Variants in MON2 observed in about 807,000 individuals in gnomAD.
MON2 encodes the protein MON2 regulator of endosome-to-Golgi trafficking.
Under a neutral mutation model 208.6 loss-of-function variants are expected in MON2, and 84 were observed. The observed-to-expected ratio is 0.40, with a 90% CI of 0.34 to 0.48. The LOEUF (loss-of-function observed/expected upper bound fraction) is 0.48. Ranked by LOEUF, MON2 falls within the 20% of genes least tolerant of loss-of-function variation. The pLI is 0.59. For missense variants in MON2, 1,611 were observed against 2,015.4 expected (o/e 0.80, Z 3.84); for synonymous variants, 660 against 694.0 (o/e 0.95, Z 0.77).
intron 25 of MON2, among the ~76,000 whole-genome samples, chr12:62,556,968 C>T (rs1170019369): frequency 6.6e-6 from 1 of 151,780 alleles, no homozygotes; most frequent in African/African-American, 2.4e-5. Context: ...ACCTGCAATC[C>T]CAGCTACTTG....
intron 1 of MON2, among the ~76,000 whole-genome samples, chr12:62,477,923 G>A (rs778473024): frequency 2.1e-4 from 32 of 152,210 alleles, no homozygotes; most frequent in Non-Finnish European, 3.8e-4. Context: ...TGCCAAGGTT[G>A]GATGTAGCCT....
chr12:62,504,768 C>T (rs1444887151), intron 7 of MON2, among the ~76,000 whole-genome samples: 1 of 152,158 alleles, frequency 6.6e-6, no homozygotes, highest in African/African-American at 2.4e-5. Flanking sequence ...TTAAATAAGA[C>T]TGATAAAATC....
chr12:62,581,799 C>T (rs2075016154), intron 32 of MON2, among the ~76,000 whole-genome samples: 1 of 152,116 alleles, frequency 6.6e-6, no homozygotes, highest in African/African-American at 2.4e-5. Context: ...TACTGCACTC[C>T]AGCCTGGGCG....
rs115376211 is a variant in MON2 at position 62,570,600 on chromosome 12, A to G, written c.4324-792A>G. ...ATATAGCCTACTTCACACCTATGCTATATGGTCTAACCTATATATGTGGCA... is the reference window on the plus strand; with the variant it reads ...ATATAGCCTACTTCACACCTATGCTGTATGGTCTAACCTATATATGTGGCA... On this transcript the variant is annotated intron_variant, in intron 29 of 34. Transcript: ENST00000393630. 3.1e-3 allele frequency among the ~76,000 whole-genome samples: 470 copies of G among 151,984 alleles called. 1 individual carries two copies. The highest frequency in any genetic ancestry group is 0.011 in the African/African-American group (442 of 41,448).
intron 2 of MON2, among the ~76,000 whole-genome samples, chr12:62,486,111 A>G (rs915728284): frequency 4.6e-5 from 7 of 152,174 alleles, no homozygotes; most frequent in East Asian, 1.9e-4. Context: ...GAGACTTACC[A>G]TAGGCCAATC....
chr12:62,583,633 G>T (rs1414482829), intron 32 of MON2, among the ~76,000 whole-genome samples: 1 of 151,674 alleles, frequency 6.6e-6, no homozygotes, highest in African/African-American at 2.4e-5. Context: ...ATTTCAGAAA[G>T]AAAGAAAAAA....
At chr12:62,508,529 C>A (rs751936979) in intron 8 of MON2, 49 bp downstream of exon 8, 1 of 1,555,578 alleles carries the variant, frequency 6.4e-7, no homozygotes, top group Non-Finnish European at 8.9e-7. Flanking sequence ...GCATGTTGTG[C>A]CCTTTGTAAA....
At chr12:62,570,478 T>G (rs1175629681) in intron 29 of MON2, among the ~76,000 whole-genome samples, 1 of 152,154 alleles carries the variant, frequency 6.6e-6, no homozygotes, top group Non-Finnish European at 1.5e-5. Context: ...AATACAGTCA[T>G]GTACTGCTTA....
intron 8 of MON2, among the ~76,000 whole-genome samples, chr12:62,515,327 T>C (rs1309756433): frequency 6.6e-6 from 1 of 152,198 alleles, no homozygotes; most frequent in Non-Finnish European, 1.5e-5. Flanking sequence ...ATCCTGTTAC[T>C]GGAACTTTGA....
intron 8 of MON2, among the ~76,000 whole-genome samples, chr12:62,521,530 G>A (rs1332741464): frequency 6.6e-6 from 1 of 152,108 alleles, no homozygotes; most frequent in African/African-American, 2.4e-5. Context: ...CTCCTAAGGG[G>A]CCCAGGGACC....
At position 62,484,159 on chromosome 12, in the gene MON2, T is replaced by G. The variant is rs2069620352; in HGVS notation, c.112-11T>G. The stretch of plus-strand genomic sequence containing the variant: ...GTAAATTTTGTGTTCTAATTATTTT[T>G]ATTCTTGCAGGCTGCTGAATCAGGA... On this transcript the variant is annotated splice_polypyrimidine_tract_variant and intron_variant, in intron 1 of 34. Transcript: ENST00000393630. 2 of 1,583,088 alleles carry G rather than the reference T, an allele frequency of 1.3e-6. No homozygotes were observed. Among genetic ancestry groups the G allele is most frequent in the African/African-American group, 2.7e-5 (2 of 73,850 alleles).
intron 22 of MON2, among the ~76,000 whole-genome samples, chr12:62,548,417 G>T (rs1404815433): frequency 6.6e-6 from 1 of 152,116 alleles, no homozygotes; most frequent in Non-Finnish European, 1.5e-5. Flanking sequence ...TTAACTTTTG[G>T]GGTAGGAGAT....
At chr12:62,480,232 A>G (rs1484490975) in intron 1 of MON2, among the ~76,000 whole-genome samples, 1 of 152,246 alleles carries the variant, frequency 6.6e-6, no homozygotes, top group African/African-American at 2.4e-5. Flanking sequence ...AATACTGGTT[A>G]CGTATCTTTT....
intron 26 of MON2, among the ~76,000 whole-genome samples, chr12:62,563,301 G>A (rs1358598690): frequency 6.6e-6 from 1 of 152,164 alleles, no homozygotes; most frequent in Non-Finnish European, 1.5e-5. Context: ...TGCCTGGCAT[G>A]AGTTAAACAT....
In MON2 at chr12:62,566,466, T is replaced by G. The variant is rs769322265; in HGVS notation, c.4323+16T>G. On this transcript the variant is annotated intron_variant, in intron 29 of 34. Transcript: ENST00000393630. ...TATTATTAAGGTATCTTTTTTTCATTTCTACACTTTCATTAGATGGTGTGA... is the reference window on the plus strand; with the variant it reads ...TATTATTAAGGTATCTTTTTTTCATGTCTACACTTTCATTAGATGGTGTGA... 1.2e-5 allele frequency: 19 copies of G among 1,604,054 alleles called. No homozygotes were observed. Among genetic ancestry groups the G allele is most frequent in the Non-Finnish European group, 1.6e-5 (19 of 1,174,072 alleles).
Position 62,525,193 on chromosome 12 carries a change from G to A in MON2, c.1219G>A (p.Gly407Arg), listed in dbSNP as rs1331042369. 2 of 1,613,214 alleles carry A rather than the reference G, an allele frequency of 1.2e-6. No individual in the cohort carries two copies. The highest frequency in any genetic ancestry group is 8.5e-7 in the Non-Finnish European group (1 of 1,179,478). The change falls in exon 10 of 35, where the codon GGA becomes AGA. Residue 407 changes from glycine to arginine, a missense_variant. Gly to Arg is a moderately radical substitution (Grantham distance 125, BLOSUM62 -2). Transcript: ENST00000393630. ...GTCCTTGTTTCTTGTCCCCCCTACT[G>A]GAAATCCTGCAACAAGCAACCAAGC... Reference protein sequence around the residue: ...IQSLFLVPPTGNPATSNQAGN... With the variant: ...IQSLFLVPPTRNPATSNQAGN...
At chr12:62,493,849 T>C in intron 2 of MON2, 66 bp from the exon 3 acceptor site, 9 of 1,210,130 alleles carry the variant, frequency 7.4e-6, no homozygotes, top group Non-Finnish European at 1.0e-5. Flanking sequence ...GTTGTAATTA[T>C]ATAAAAATGC....
intron 14 of MON2, 23 bp downstream of exon 14, chr12:62,535,732 T>C: frequency 6.3e-7 from 1 of 1,577,236 alleles, no homozygotes; most frequent in Non-Finnish European, 8.6e-7. Flanking sequence ...TACTCAAAAT[T>C]CTCTCTATGT....
At chr12:62,554,705 C>T (rs959848691) in intron 24 of MON2, among the ~76,000 whole-genome samples, 1 of 152,034 alleles carries the variant, frequency 6.6e-6, no homozygotes, top group Non-Finnish European at 1.5e-5. Flanking sequence ...CATATTGCCC[C>T]GGCTGTTCTC....
Sources: allele counts gnomAD v4.1 joint callset (sites outside exome capture counted in the v4.1 genomes callset), GRCh38; gene constraint gnomAD v4.1.1; transcripts MANE v1.5; gene names NCBI Gene and HGNC (gene_info 2026-07-23, HGNC 2026-07-21).